The following NPHP4 variants were observed in gnomAD, a reference collection of about 807,000 sequenced individuals.
NPHP4 encodes the protein nephrocystin 4.
NPHP4 carries 151 observed loss-of-function variants against 155.8 expected under a neutral mutation model. The observed-to-expected ratio is 0.97, with a 90% confidence interval of 0.85 to 1.11. The LOEUF is 1.11. Among genes scored for constraint, NPHP4 ranks in the 50% least tolerant of loss-of-function variants. The probability of loss-of-function intolerance (pLI) is 0.00; values close to 1 mark genes in which losing one functional copy is unlikely to be tolerated. For synonymous variants in NPHP4, 845 were observed against 816.8 expected (o/e 1.03, Z -0.59); for missense variants, 1,956 against 1,925.7 (o/e 1.02, Z -0.29).
rs77453462 is a variant in NPHP4 at position 5,910,307 on chromosome 1, C to T, written c.1442-1094G>A. 0.063 allele frequency among the ~76,000 whole-genome samples: 9,656 copies of T among 152,140 alleles called. 469 individuals carry two copies. The highest frequency in any genetic ancestry group is 0.21 in the East Asian group (1,076 of 5,132). ...ACCTGGCTCATGACAGCCTCCTTCA[C>T]GGTGACAGGACTCTCCACTGCAGCA... On this transcript the variant is annotated intron_variant, in intron 11 of 29. Coordinates refer to ENST00000378156, the MANE Select transcript of NPHP4 (RefSeq NM_015102.5). The surrounding 1 kb of genome is among the most constrained non-coding windows in gnomAD (Gnocchi z 5.4).
chr1:5,863,205 C>T lies in NPHP4; in HGVS notation c.*60G>A. On this transcript the variant is annotated 3_prime_UTR_variant, in exon 30 of 30. Coordinates refer to ENST00000378156, the MANE Select transcript of NPHP4 (RefSeq NM_015102.5). ...GAGGCGGGGAGGACAGCCTGCAGGG[C>T]AGGAGGGGCACAGACAGGCCCCAGC... The T allele has an allele frequency of 6.3e-7, 1 of 1,590,474 alleles. No individual in the cohort carries two copies. Among genetic ancestry groups the T allele is most frequent in the Non-Finnish European group, 8.6e-7 (1 of 1,159,634 alleles).
At chr1:5,960,500 A>C (rs1417235055) in intron 6 of NPHP4, among the ~76,000 whole-genome samples, 2 of 151,770 alleles carry the variant, frequency 1.3e-5, no homozygotes, top group African/African-American at 4.8e-5. Context: ...AATGAGCCAA[A>C]CTCTCAGCAC....
intron 9 of NPHP4, among the ~76,000 whole-genome samples, chr1:5,940,251 G>A (rs1463517320): frequency 6.6e-6 from 1 of 152,108 alleles, no homozygotes; most frequent in Non-Finnish European, 1.5e-5. Flanking sequence ...TCTTCTACAA[G>A]GACGAGTTCA....
rs1648467422 is a variant in NPHP4 at position 5,952,961 on chromosome 1, C to T, written c.674-125G>A. The T allele has an allele frequency of 9.0e-6, 7 of 781,716 alleles. No individual in the cohort carries two copies. The East Asian group carries it at 2.1e-4, about 23-fold the overall frequency. 48.4% of individuals were successfully genotyped at this position (781,716 alleles called of 1,614,324 possible). On this transcript the variant is annotated intron_variant, in intron 6 of 29. Transcript: ENST00000378156. ...CAGCAACGAAGGGTGCTCGGGACTCCCAGACAGAGCACAAGGCCCAAGCCA... is the reference window on the plus strand; with the variant it reads ...CAGCAACGAAGGGTGCTCGGGACTCTCAGACAGAGCACAAGGCCCAAGCCA...
chr1:5,905,393 C>G lies in NPHP4; in HGVS notation c.1854G>C (p.Glu618Asp). The change falls in exon 15 of 30, where the codon GAG becomes GAC. Residue 618 changes from glutamate to aspartate, a missense_variant. Transcript: ENST00000378156. The surrounding 1 kb of genome is among the most constrained non-coding windows in gnomAD (Gnocchi z 4.0). ...EILDANKQPA[E>D]AVSATEPVTF... ...TCACAGGTTCTGTAGCGCTGACAGC[C>G]TCGGCTGGCTGTTTATTGGCATCCA... The G allele has an allele frequency of 6.2e-7, 1 of 1,613,724 alleles. No homozygotes were observed.
At chr1:5,983,840 G>A (rs1186227544) in intron 2 of NPHP4, among the ~76,000 whole-genome samples, 2 of 152,178 alleles carry the variant, frequency 1.3e-5, no homozygotes, top group African/African-American at 4.8e-5. Context: ...TACTAGTATA[G>A]ATGCAAAGCT....
intron 2 of NPHP4, among the ~76,000 whole-genome samples, chr1:5,983,270 G>C (rs1654999255): frequency 6.6e-6 from 1 of 152,188 alleles, no homozygotes; most frequent in African/African-American, 2.4e-5. Context: ...TATCAGAACA[G>C]ACCTTACTGT....
chr1:5,888,412 G>A (rs1422334565), intron 17 of NPHP4: 1 of 1,091,524 alleles, frequency 9.2e-7, no homozygotes, highest in African/African-American at 1.7e-5. Flanking sequence ...TAATTCTCCA[G>A]TTTCTACAGC....
At chr1:5,869,305 A>G (rs1641751873) in intron 23 of NPHP4, among the ~76,000 whole-genome samples, 1 of 147,490 alleles carries the variant, frequency 6.8e-6, no homozygotes, top group Non-Finnish European at 1.5e-5. Flanking sequence ...ATGCACAAAT[A>G]CAAACATGGA....
intron 5 of NPHP4, among the ~76,000 whole-genome samples, chr1:5,966,905 T>G (rs1651615972): frequency 6.6e-6 from 1 of 152,242 alleles, no homozygotes; most frequent in South Asian, 2.1e-4. Flanking sequence ...ACCCCTGCTC[T>G]GCTCTAAGGC....
intron 11 of NPHP4, 51 bp downstream of exon 11, chr1:5,927,598 G>C: frequency 6.4e-7 from 1 of 1,557,126 alleles, no homozygotes; most frequent in Non-Finnish European, 8.8e-7. Flanking sequence ...GGAAGAGATG[G>C]AAGTGCTGCC....
intron 25 of NPHP4, 149 bp from the exon 26 acceptor site, chr1:5,866,607 T>C (rs1641259726): frequency 1.6e-6 from 1 of 622,076 alleles, no homozygotes; most frequent in Non-Finnish European, 2.9e-6. Flanking sequence ...CGGAATTCAC[T>C]ATTCTGTTCA....
intron 6 of NPHP4, among the ~76,000 whole-genome samples, chr1:5,957,347 CCT>C (rs1649439098): frequency 6.6e-6 from 1 of 152,190 alleles, no homozygotes; most frequent in African/African-American, 2.4e-5. Flanking sequence ...GTGGAGAGCC[CCT>C]GAGATTCCCC....
chr1:5,956,734 C>T (rs1001624225), intron 6 of NPHP4, among the ~76,000 whole-genome samples: 1 of 152,222 alleles, frequency 6.6e-6, no homozygotes, highest in Non-Finnish European at 1.5e-5. Context: ...GGACGCTCTA[C>T]TGTAGGAGGC....
chr1:5,962,844 C>T (rs370937030), intron 5 of NPHP4, among the ~76,000 whole-genome samples: 8 of 152,170 alleles, frequency 5.3e-5, no homozygotes, highest in Non-Finnish European at 8.8e-5. Context: ...AACGGGAGTG[C>T]GGGGAGAGGC....
At chr1:5,980,717 C>T (rs565447602) in intron 2 of NPHP4, among the ~76,000 whole-genome samples, 1 of 152,244 alleles carries the variant, frequency 6.6e-6, no homozygotes, top group South Asian at 2.1e-4. Flanking sequence ...TAGGTCGGCC[C>T]AGCCCTCCCA....
intron 6 of NPHP4, among the ~76,000 whole-genome samples, chr1:5,958,078 C>T (rs1166734247): frequency 6.6e-6 from 1 of 152,242 alleles, no homozygotes; most frequent in East Asian, 1.9e-4. Context: ...ATACACCAAA[C>T]TATGATCAGT....
At chr1:5,945,530 C>T (rs1647044621) in intron 9 of NPHP4, among the ~76,000 whole-genome samples, 1 of 152,180 alleles carries the variant, frequency 6.6e-6, no homozygotes, top group Admixed American at 6.5e-5. Flanking sequence ...GAGGCATGGA[C>T]ACTGGCAAGG....
intron 12 of NPHP4, among the ~76,000 whole-genome samples, chr1:5,907,715 C>T (rs549613122): frequency 2.3e-4 from 35 of 151,492 alleles, no homozygotes; most frequent in African/African-American, 7.0e-4. Context: ...CGTGGAGTGC[C>T]CGCACCAATG....
Sources: allele counts gnomAD v4.1 joint callset (sites outside exome capture counted in the v4.1 genomes callset), GRCh38; gene constraint gnomAD v4.1.1; non-coding constraint Gnocchi (gnomAD v3.1); transcripts MANE v1.5; gene names NCBI Gene and HGNC (gene_info 2026-07-23, HGNC 2026-07-21).